Variants in BPIFB2 observed in about 807,000 individuals in gnomAD.
BPIFB2 encodes the protein BPI fold containing family B member 2.
Under a neutral mutation model 50.1 loss-of-function variants are expected in BPIFB2, and 39 were observed. The observed-to-expected ratio is 0.78, with a 90% CI of 0.60 to 1.02. The LOEUF (loss-of-function observed/expected upper bound fraction) is 1.02, where lower values mean the gene tolerates loss of function less well. Ranked by LOEUF, BPIFB2 falls within the 50% of genes least tolerant of loss-of-function variation. The pLI is 0.00. For synonymous variants in BPIFB2, 280 were observed against 256.3 expected (o/e 1.09, Z -0.88); for missense variants, 574 against 585.8 (o/e 0.98, Z 0.21).
intron 14 of BPIFB2, 42 bp from the exon 15 acceptor site, chr20:33,021,681 G>A: frequency 6.3e-7 from 1 of 1,590,178 alleles, no homozygotes. Context: ...TTCAGCACAG[G>A]CTGGCTCCAG....
Position 33,012,913 on chromosome 20 carries a change from C to A in BPIFB2, c.308+6C>A, listed in dbSNP as rs561715693. ...TTTACTTTCAAGGTCTTTCGGTGAG[C>A]GGATCTCCTTGTTAGGGGGTGAGAA... is the stretch of plus-strand genomic sequence containing the variant. On this transcript the variant is annotated splice_donor_region_variant and intron_variant, in intron 4 of 15. Transcript: ENST00000170150. 5.0e-6 allele frequency: 8 copies of A among 1,602,956 alleles called. No homozygotes were observed. In the South Asian group the frequency reaches 6.6e-5, roughly 13 times the overall value.
chr20:33,010,476 T>C (rs1244669678), intron 2 of BPIFB2, among the ~76,000 whole-genome samples: 1 of 152,188 alleles, frequency 6.6e-6, no homozygotes, highest in African/African-American at 2.4e-5. Context: ...TCATTGCAGA[T>C]GTATAGATGG....
intron 6 of BPIFB2, among the ~76,000 whole-genome samples, chr20:33,016,512 G>A (rs983614528): frequency 3.9e-5 from 6 of 152,166 alleles, no homozygotes; most frequent in African/African-American, 9.7e-5. Flanking sequence ...AGTGCCCCTG[G>A]CCTTGCAGTT....
At chr20:33,020,223 A>G (rs1978608759) in intron 11 of BPIFB2, 105 bp from the exon 12 acceptor site, 4 of 1,130,462 alleles carry the variant, frequency 3.5e-6, no homozygotes, top group South Asian at 1.4e-5. Context: ...GGGGCTCCAC[A>G]GACACCTGCT....
intron 2 of BPIFB2, 96 bp downstream of exon 2, chr20:33,008,779 AG>A: frequency 9.5e-7 from 1 of 1,055,794 alleles, no homozygotes; most frequent in Non-Finnish European, 1.3e-6. Context: ...AAGGCCCATG[AG>A]GACCCAGATT....
At chr20:33,011,956 A>G (rs6059015) in intron 3 of BPIFB2, among the ~76,000 whole-genome samples, 10,221 of 152,244 alleles carry the variant, frequency 0.067, 937 homozygotes, top group African/African-American at 0.21. Context: ...TCCAGCCTGG[A>G]CGACAAGAAT....
At chr20:33,015,179 CCT>C (rs1978370639) in intron 5 of BPIFB2, among the ~76,000 whole-genome samples, 2 of 152,288 alleles carry the variant, frequency 1.3e-5, no homozygotes, top group African/African-American at 2.4e-5. Context: ...TTTGCAACGC[CCT>C]CTCTGTCTCA....
intron 1 of BPIFB2, among the ~76,000 whole-genome samples, 177 bp from the exon 2 acceptor site, chr20:33,008,364 A>G (rs1316059681): frequency 6.6e-6 from 1 of 152,196 alleles, no homozygotes; most frequent in African/African-American, 2.4e-5. Flanking sequence ...TTCCTGATGA[A>G]GCAAGCAAGG....
At chr20:33,010,672 C>T (rs1990274362) in intron 2 of BPIFB2, among the ~76,000 whole-genome samples, 1 of 151,980 alleles carries the variant, frequency 6.6e-6, no homozygotes, top group Admixed American at 6.5e-5. Context: ...TGGGAGATGC[C>T]CCTTCTGCTT....
intron 1 of BPIFB2, among the ~76,000 whole-genome samples, chr20:33,008,075 G>A (rs1261087641): frequency 6.6e-6 from 1 of 152,116 alleles, no homozygotes; most frequent in Non-Finnish European, 1.5e-5. Flanking sequence ...GAGGGGATGA[G>A]GACAGGAGCC....
At chr20:33,010,996 C>A (rs1444550517) in intron 2 of BPIFB2, 28 bp from the exon 3 acceptor site, 15 of 1,600,794 alleles carry the variant, frequency 9.4e-6, no homozygotes, top group East Asian at 2.2e-5. Context: ...CGAGGGCACC[C>A]TGACCTCACT....
At position 33,023,537 on chromosome 20, in the gene BPIFB2, TG is replaced by T; in HGVS notation, c.*157del. On this transcript the variant is annotated 3_prime_UTR_variant, in exon 16 of 16. Transcript: ENST00000170150. ...GGCTGTTTTATCTTCCCTGAGTGCC[TG>T]GGTCTCCCTCCCTCACTTCTGCCCT... is the stretch of plus-strand genomic sequence containing the variant. 1 of 808,968 alleles carries T rather than the reference TG, an allele frequency of 1.2e-6. No individual in the cohort carries two copies. Among genetic ancestry groups the T allele is most frequent in the Non-Finnish European group, 2.0e-6 (1 of 490,110 alleles). The allele number at this position is 808,968 out of a possible 1,614,324, so 50.1% of individuals were successfully genotyped here.
At position 33,012,930 on chromosome 20, in the gene BPIFB2, G is replaced by C. The variant is rs764829953; in HGVS notation, c.308+23G>C. 10 of 1,578,848 alleles carry C rather than the reference G, an allele frequency of 6.3e-6. No individual in the cohort carries two copies. In the Admixed American group the frequency reaches 1.7e-4, roughly 26 times the overall value. ...TCGGTGAGCGGATCTCCTTGTTAGG[G>C]GGTGAGAAGGGTTTTGGGGATGCTC... On this transcript the variant is annotated intron_variant, in intron 4 of 15. Coordinates refer to ENST00000170150, the MANE Select transcript of BPIFB2 (RefSeq NM_025227.3).
chr20:33,011,151 T>G, intron 3 of BPIFB2, 34 bp downstream of exon 3: 1 of 1,591,234 alleles, frequency 6.3e-7, no homozygotes, highest in Non-Finnish European at 8.6e-7. Context: ...AAGGTGCTCC[T>G]GCCACCAAGT....
chr20:33,010,797 G>A (rs1182344084), intron 2 of BPIFB2, among the ~76,000 whole-genome samples: 2 of 152,146 alleles, frequency 1.3e-5, no homozygotes, highest in Non-Finnish European at 2.9e-5. Context: ...TTGAGAGGCA[G>A]AGTGGGAGAA....
In BPIFB2 at chr20:33,012,917, T is replaced by C; in HGVS notation, c.308+10T>C. ...CTTTCAAGGTCTTTCGGTGAGCGGATCTCCTTGTTAGGGGGTGAGAAGGGT... is the reference window on the plus strand; with the variant it reads ...CTTTCAAGGTCTTTCGGTGAGCGGACCTCCTTGTTAGGGGGTGAGAAGGGT... On this transcript the variant is annotated intron_variant, in intron 4 of 15. Coordinates refer to ENST00000170150, the MANE Select transcript of BPIFB2 (RefSeq NM_025227.3). 6.2e-7 allele frequency: 1 copy of C among 1,601,950 alleles called. No individual in the cohort carries two copies. The highest frequency in any genetic ancestry group is 8.6e-7 in the Non-Finnish European group (1 of 1,169,196).
At chr20:33,020,238 G>A in intron 11 of BPIFB2, 90 bp from the exon 12 acceptor site, 1 of 1,296,230 alleles carries the variant, frequency 7.7e-7, no homozygotes, top group African/African-American at 1.5e-5. Context: ...CCTGCTGCCT[G>A]AATGAGTCGG....
chr20:33,014,771 G>C (rs59114677), intron 5 of BPIFB2, among the ~76,000 whole-genome samples: 3 of 152,324 alleles, frequency 2.0e-5, no homozygotes, highest in African/African-American at 4.8e-5. Flanking sequence ...CACTTGTGTC[G>C]CATGATCACC....
At chr20:33,013,753 G>C in intron 4 of BPIFB2, 57 bp from the exon 5 acceptor site, 1 of 1,576,806 alleles carries the variant, frequency 6.3e-7, no homozygotes, top group South Asian at 1.1e-5. Context: ...TCTATCATCA[G>C]TCATGGTGGG....
Sources: allele counts gnomAD v4.1 joint callset (sites outside exome capture counted in the v4.1 genomes callset), GRCh38; gene constraint gnomAD v4.1.1; transcripts MANE v1.5; gene names NCBI Gene and HGNC (gene_info 2026-07-23, HGNC 2026-07-21).